RHBDD1: variants seen among roughly 807,000 people sequenced by gnomAD.
RHBDD1 encodes rhomboid-related protein 4.
RHBDD1 carries 38 observed loss-of-function variants against 36.3 expected under a neutral mutation model. That is an observed-to-expected ratio of 1.05 (90% confidence interval 0.81 to 1.37). RHBDD1 has a LOEUF of 1.37. Among genes scored for constraint, RHBDD1 ranks in the 40% most tolerant of loss-of-function variants. The pLI, the probability that RHBDD1 is intolerant of heterozygous loss-of-function variation, is 0.00. For synonymous variants in RHBDD1, 151 were observed against 136.5 expected, an observed-to-expected ratio of 1.11 and a Z score of -0.74; for missense variants, 393 against 377.6, an observed-to-expected ratio of 1.04 and a Z score of -0.34.
chr2:226,939,586 C>T (rs1198398363), intron 8 of RHBDD1, among the ~76,000 whole-genome samples: 1 of 152,054 alleles, frequency 6.6e-6, no homozygotes, highest in Non-Finnish European at 1.5e-5. Flanking sequence ...AGAGGGAGAA[C>T]CAGAAACCAT....
chr2:226,849,710 C>CCTATAT (rs150333219), intron 3 of RHBDD1, among the ~76,000 whole-genome samples: 1 of 152,200 alleles, frequency 6.6e-6, no homozygotes, highest in Admixed American at 6.5e-5. Context: ...CATATCTATG[C>CCTATAT]CTATATCTAT....
At chr2:226,993,527 T>C (rs746005730) in intron 8 of RHBDD1, among the ~76,000 whole-genome samples, 2 of 152,238 alleles carry the variant, frequency 1.3e-5, no homozygotes, top group African/African-American at 4.8e-5. Context: ...TTCATGAATA[T>C]GTAATTTCAA....
chr2:226,948,564 T>TAAAAAAAAAAAAAAAAAAAAAAGAA (rs56325989), intron 8 of RHBDD1, among the ~76,000 whole-genome samples: 1 of 23,552 alleles, frequency 4.2e-5, no homozygotes, highest in Non-Finnish European at 8.3e-5. Context: ...ACTTAAAGTA[T>TAAAAAAAAAAAAAAAAAAAAAAGAA]AAAAAAAAAA....
chr2:226,863,544 C>T (rs1293378365), intron 3 of RHBDD1, among the ~76,000 whole-genome samples: 5 of 152,148 alleles, frequency 3.3e-5, no homozygotes, highest in African/African-American at 7.2e-5. Context: ...CTGGGCTCAG[C>T]GAGACTCACT....
intron 8 of RHBDD1, among the ~76,000 whole-genome samples, chr2:226,984,535 G>C (rs1334681468): frequency 1.3e-5 from 2 of 152,134 alleles, no homozygotes; most frequent in Non-Finnish European, 2.9e-5. Flanking sequence ...TCACATTGAG[G>C]GTTTGGACTT....
chr2:226,921,732 A>G (rs1018365007), intron 8 of RHBDD1, among the ~76,000 whole-genome samples: 8 of 152,050 alleles, frequency 5.3e-5, no homozygotes, highest in Admixed American at 2.0e-4. Context: ...CAACTTTTTA[A>G]TATACTTTTT....
intron 6 of RHBDD1, chr2:226,907,109 A>T: frequency 1.7e-6 from 1 of 593,478 alleles, no homozygotes; most frequent in Non-Finnish European, 3.0e-6. Flanking sequence ...TAGGGGACAA[A>T]TATCAGTATA....
At chr2:226,928,975 G>A (rs1215476282) in intron 8 of RHBDD1, among the ~76,000 whole-genome samples, 1 of 151,922 alleles carries the variant, frequency 6.6e-6, no homozygotes. Context: ...ATCCTGAACA[G>A]ACCAATAACA....
At chr2:226,919,849 T>C (rs1385936649) in intron 8 of RHBDD1, among the ~76,000 whole-genome samples, 1 of 152,078 alleles carries the variant, frequency 6.6e-6, no homozygotes, top group Non-Finnish European at 1.5e-5. Flanking sequence ...ACTTTTTCTA[T>C]TTCTGTGAAG....
intron 8 of RHBDD1, among the ~76,000 whole-genome samples, chr2:226,965,938 G>A (rs1294679734): frequency 1.3e-5 from 2 of 151,844 alleles, no homozygotes; most frequent in African/African-American, 4.8e-5. Context: ...AAAAAACATG[G>A]GCCGATATCA....
At chr2:226,954,024 C>T (rs79249316) in intron 8 of RHBDD1, among the ~76,000 whole-genome samples, 378 of 152,276 alleles carry the variant, frequency 2.5e-3, no homozygotes, top group Admixed American at 5.4e-3. Flanking sequence ...ACGGAAGTCA[C>T]CTGCTCTTCT....
chr2:226,972,967 C>G (rs540407480), intron 8 of RHBDD1, among the ~76,000 whole-genome samples: 1 of 151,940 alleles, frequency 6.6e-6, no homozygotes, highest in South Asian at 2.1e-4. Flanking sequence ...GCAGGTTCCC[C>G]CACTGCTATA....
the RHBDD1 span, chr2:226,804,013 G>A: frequency 6.6e-5 from 10 of 152,296 alleles, no homozygotes; most frequent in African/African-American, 2.4e-4. Context: ...TTAATTGAAA[G>A]ACAATAATTT....
chr2:226,823,771 G>A, the RHBDD1 span, among the ~76,000 whole-genome samples: 5 of 152,296 alleles, frequency 3.3e-5, no homozygotes, highest in Non-Finnish European at 7.4e-5. Context: ...TGGTTCTGGA[G>A]GCTGGGAAGT....
At chr2:226,863,069 C>A (rs907225750) in intron 3 of RHBDD1, among the ~76,000 whole-genome samples, 2 of 152,194 alleles carry the variant, frequency 1.3e-5, no homozygotes, top group African/African-American at 4.8e-5. Flanking sequence ...AACATGAGGC[C>A]GGGCCTAGTG....
At chr2:226,821,115 C>T in the RHBDD1 span, among the ~76,000 whole-genome samples, 2 of 152,088 alleles carry the variant, frequency 1.3e-5, no homozygotes, top group African/African-American at 4.8e-5. Flanking sequence ...ATTTTTTGAG[C>T]CCCCTACTAT....
the RHBDD1 span, among the ~76,000 whole-genome samples, chr2:226,813,882 A>T: frequency 2.6e-3 from 398 of 152,318 alleles, 1 homozygote; most frequent in African/African-American, 8.5e-3. Flanking sequence ...GGTGGTGGGG[A>T]TTACAAAATC....
At chr2:226,846,642 G>C (rs940931719) in intron 3 of RHBDD1, among the ~76,000 whole-genome samples, 27 of 151,892 alleles carry the variant, frequency 1.8e-4, no homozygotes, top group Middle Eastern at 3.4e-3. Flanking sequence ...TACTCAGGAG[G>C]CTGAGGCAGG....
intron 8 of RHBDD1, among the ~76,000 whole-genome samples, chr2:226,928,682 A>G (rs559051030): frequency 6.6e-6 from 1 of 152,182 alleles, no homozygotes; most frequent in East Asian, 1.9e-4. Context: ...AATTGCAACA[A>G]CAACAACAAC....
Sources: gnomAD v4.1 joint callset for allele counts (sites outside exome capture counted in the v4.1 genomes callset) on GRCh38, gnomAD v4.1.1 for gene constraint, MANE v1.5 for transcripts, NCBI Gene and HGNC (gene_info 2026-07-23, HGNC 2026-07-21) for gene names.